SKA2: variants seen among roughly 807,000 people sequenced by gnomAD.
SKA2 encodes spindle and kinetochore-associated protein 2.
Under a neutral mutation model 16.9 loss-of-function variants are expected in SKA2, and 13 were observed. The ratio of observed to expected loss-of-function variants is 0.77; its 90% CI spans 0.50 to 1.22. SKA2 has a LOEUF of 1.22. Among genes scored for constraint, SKA2 ranks in the 50% most tolerant of loss-of-function variants. SKA2 has a pLI of 0.00. For synonymous variants in SKA2, 47 were observed against 48.5 expected (o/e 0.97, Z 0.13); for missense variants, 107 against 139.7 (o/e 0.77, Z 1.18).
intron 2 of SKA2, among the ~76,000 whole-genome samples, chr17:59,123,953 T>G (rs916766910): frequency 2.4e-4 from 37 of 152,118 alleles, no homozygotes; most frequent in Non-Finnish European, 4.4e-4. Context: ...AGGAAATTAG[T>G]AGATGTTTCA....
chr17:59,131,959 TG>T (rs376664477), intron 1 of SKA2, among the ~76,000 whole-genome samples: 210 of 152,276 alleles, frequency 1.4e-3, no homozygotes, highest in African/African-American at 5.0e-3. Context: ...CATGGGAACT[TG>T]ATCTGTAGTA....
intron 2 of SKA2, among the ~76,000 whole-genome samples, chr17:59,130,636 A>AG (rs1403421626): frequency 2.0e-5 from 3 of 152,068 alleles, no homozygotes; most frequent in Admixed American, 1.3e-4. Flanking sequence ...CAAAAAAAAA[A>AG]AAAGATAAAT....
At chr17:59,146,263 C>T (rs1290366502) in intron 1 of SKA2, among the ~76,000 whole-genome samples, 2 of 152,012 alleles carry the variant, frequency 1.3e-5, no homozygotes, top group African/African-American at 4.8e-5. Flanking sequence ...TTTTGAGAGG[C>T]CAAGGTGGGA....
chr17:59,123,780 T>A (rs1437889347), intron 2 of SKA2, among the ~76,000 whole-genome samples: 3 of 144,046 alleles, frequency 2.1e-5, no homozygotes, highest in African/African-American at 5.8e-5. Context: ...TAAACAGTTA[T>A]ATATGTTAAC....
At chr17:59,152,262 T>G (rs1352907648) in intron 1 of SKA2, among the ~76,000 whole-genome samples, 1 of 152,168 alleles carries the variant, frequency 6.6e-6, no homozygotes, top group East Asian at 1.9e-4. Flanking sequence ...TAATGTTGAT[T>G]GATGCAAAAA....
At chr17:59,121,649 C>G (rs2046334545) in intron 2 of SKA2, among the ~76,000 whole-genome samples, 1 of 140,466 alleles carries the variant, frequency 7.1e-6, no homozygotes, top group East Asian at 2.1e-4. Flanking sequence ...GCAAAACTCC[C>G]TCTCAAAAAA....
intron 2 of SKA2, among the ~76,000 whole-genome samples, chr17:59,125,147 ATTTTTTTTT>A (rs10719455): frequency 2.1e-5 from 2 of 95,942 alleles, no homozygotes; most frequent in Non-Finnish European, 4.2e-5. Flanking sequence ...CTAATTTTGT[ATTTTTTTTT>A]TTTTTTTTTT....
chr17:59,150,666 CG>C (rs917411143), intron 1 of SKA2, among the ~76,000 whole-genome samples: 1 of 151,944 alleles, frequency 6.6e-6, no homozygotes, highest in Admixed American at 6.6e-5. Context: ...TATCTAAGCC[CG>C]GGAGTACAAG....
At chr17:59,133,285 C>T (rs368321012) in intron 1 of SKA2, among the ~76,000 whole-genome samples, 31 of 152,272 alleles carry the variant, frequency 2.0e-4, no homozygotes, top group Admixed American at 1.8e-3. Context: ...TTTCTGCAAG[C>T]GGTATAATCA....
intron 3 of SKA2, among the ~76,000 whole-genome samples, chr17:59,116,454 C>G (rs564428482): frequency 1.3e-5 from 2 of 152,014 alleles, no homozygotes; most frequent in Admixed American, 6.6e-5. Context: ...TTGTCAATGT[C>G]TTAACATCCC....
chr17:59,115,625 G>A (rs1249914648), intron 3 of SKA2, among the ~76,000 whole-genome samples: 1 of 151,488 alleles, frequency 6.6e-6, no homozygotes, highest in South Asian at 2.1e-4. Context: ...ACAGAGTCTC[G>A]TTCCATCGCC....
chr17:59,142,658 G>C (rs1381542012), intron 1 of SKA2, among the ~76,000 whole-genome samples: 1 of 151,450 alleles, frequency 6.6e-6, no homozygotes, highest in Admixed American at 6.6e-5. Context: ...TGGGTGCAGT[G>C]GCTCATGCCA....
At chr17:59,132,472 T>C (rs2147807826) in intron 1 of SKA2, among the ~76,000 whole-genome samples, 1 of 152,352 alleles carries the variant, frequency 6.6e-6, no homozygotes, top group East Asian at 1.9e-4. Flanking sequence ...AAGGCTAGCC[T>C]GGCCAACATG....
At chr17:59,138,296 G>T (rs1300946071) in intron 1 of SKA2, among the ~76,000 whole-genome samples, 1 of 151,756 alleles carries the variant, frequency 6.6e-6, no homozygotes, top group Non-Finnish European at 1.5e-5. Context: ...TCCTATTTTG[G>T]AATATTTGCA....
At chr17:59,145,600 G>A (rs1039607548) in intron 1 of SKA2, among the ~76,000 whole-genome samples, 4 of 151,808 alleles carry the variant, frequency 2.6e-5, no homozygotes, top group African/African-American at 9.7e-5. Flanking sequence ...ATTTATATGT[G>A]TACTTAATCA....
intron 1 of SKA2, 175 bp downstream of exon 1, chr17:59,154,956 C>CCGAGGCGGTTTAGACA: frequency 6.2e-7 from 1 of 1,613,902 alleles, no homozygotes; most frequent in Non-Finnish European, 8.5e-7. Flanking sequence ...AACCCCTTAC[C>CCGAGGCGGTTTAGACA]CGAGGCGGTT....
chr17:59,143,406 G>C (rs946630563), intron 1 of SKA2, among the ~76,000 whole-genome samples: 1 of 152,088 alleles, frequency 6.6e-6, no homozygotes, highest in South Asian at 2.1e-4. Flanking sequence ...ATTTGAGTCA[G>C]AGTCTTACTC....
At chr17:59,133,352 TA>T (rs1216675838) in intron 1 of SKA2, among the ~76,000 whole-genome samples, 2 of 152,212 alleles carry the variant, frequency 1.3e-5, no homozygotes, top group Non-Finnish European at 2.9e-5. Context: ...TTAAAGCATA[TA>T]TTGCCTCGAG....
intron 2 of SKA2, among the ~76,000 whole-genome samples, chr17:59,128,699 T>C (rs1237016204): frequency 6.6e-6 from 1 of 152,132 alleles, no homozygotes; most frequent in Non-Finnish European, 1.5e-5. Context: ...TGATTCTATT[T>C]ATCTGAAATG....
Sources: gnomAD v4.1 joint callset for allele counts (sites outside exome capture counted in the v4.1 genomes callset) on GRCh38, gnomAD v4.1.1 for gene constraint, MANE v1.5 for transcripts, NCBI Gene and HGNC (gene_info 2026-07-23, HGNC 2026-07-21) for gene names.